The following LAMA1 variants were observed in gnomAD, a reference collection of about 807,000 sequenced individuals.
LAMA1 encodes laminin subunit alpha 1.
A neutral mutation model predicts 348.7 loss-of-function variants in LAMA1; 219 were observed. The observed-to-expected ratio is 0.63, with a 90% CI of 0.56 to 0.70. The LOEUF is 0.70. Among genes scored for constraint, LAMA1 ranks in the 30% least tolerant of loss-of-function variants. The pLI is 0.00. For missense variants in LAMA1, 3,744 were observed against 3,888.0 expected (o/e 0.96, Z 0.99); for synonymous variants, 1,487 against 1,491.0 (o/e 1.00, Z 0.06).
At chr18:6,963,251 T>C (rs921999984) in intron 51 of LAMA1, among the ~76,000 whole-genome samples, 20 of 152,162 alleles carry the variant, frequency 1.3e-4, no homozygotes, top group Non-Finnish European at 2.8e-4. Context: ...CTGCGTTGTC[T>C]ACACTGGGCC....
chr18:7,100,847 TAAAAATAC>T (rs1489447522), intron 1 of LAMA1, among the ~76,000 whole-genome samples: 1 of 152,026 alleles, frequency 6.6e-6, no homozygotes, highest in African/African-American at 2.4e-5. Flanking sequence ...CTACCTCTAC[TAAAAATAC>T]AACAATTAGC....
At chr18:7,046,502 T>A in intron 5 of LAMA1, 135 bp from the exon 6 acceptor site, 1 of 572,060 alleles carries the variant, frequency 1.7e-6, no homozygotes, top group Non-Finnish European at 3.1e-6. Flanking sequence ...CATGTACATT[T>A]AAAAATTATA....
chr18:7,107,280 G>A (rs766586912), intron 1 of LAMA1, among the ~76,000 whole-genome samples: 9 of 151,820 alleles, frequency 5.9e-5, no homozygotes, highest in South Asian at 4.2e-4. Flanking sequence ...CACCACGCCC[G>A]GCTAATTTTT....
chr18:7,106,422 T>C lies in LAMA1; in HGVS notation c.61+11238A>G, dbSNP rs551299728. Among the ~76,000 whole-genome samples, 8 of 150,778 alleles carry C rather than the reference T, an allele frequency of 5.3e-5. No homozygotes were observed. The East Asian group carries it at 1.4e-3, about 26-fold the overall frequency. On this transcript the variant is annotated intron_variant, in intron 1 of 62. Transcript: ENST00000389658. ...GTCGCCAGGCTGGAGTGCAGTGGCG[T>C]AATCTCAGCTCACTACAACCTCCAC...
intron 26 of LAMA1, among the ~76,000 whole-genome samples, chr18:7,009,813 G>C (rs1004900336): frequency 2.6e-5 from 4 of 152,040 alleles, no homozygotes; most frequent in East Asian, 3.9e-4. Flanking sequence ...CTGGAATTTT[G>C]ATCCCAGGGT....
chr18:7,030,968 C>A lies in LAMA1; in HGVS notation c.2274+1098G>T, dbSNP rs116767073. Among the ~76,000 whole-genome samples the A allele has an allele frequency of 6.7e-3, 1,013 of 152,140 alleles. 17 individuals are homozygous for A. Among genetic ancestry groups the A allele is most frequent in the African/African-American group, 0.022 (924 of 41,486 alleles). On this transcript the variant is annotated intron_variant, in intron 16 of 62. Coordinates refer to ENST00000389658, the MANE Select transcript of LAMA1 (RefSeq NM_005559.4). ...CCTGAGGAAAGCAATCCTGGAGGGA[C>A]TGAGTCTGCCCGTAAACCACCCCTT... is the stretch of plus-strand genomic sequence containing the variant.
intron 11 of LAMA1, among the ~76,000 whole-genome samples, chr18:7,038,409 C>T (rs1243997813): frequency 1.3e-5 from 2 of 152,160 alleles, no homozygotes; most frequent in Non-Finnish European, 1.5e-5. Flanking sequence ...CCCACCCTCG[C>T]CACTGGAGGG....
intron 13 of LAMA1, 142 bp from the exon 14 acceptor site, chr18:7,034,832 T>A: frequency 1.5e-6 from 1 of 678,096 alleles, no homozygotes; most frequent in Non-Finnish European, 2.5e-6. Flanking sequence ...TGTGTACAGC[T>A]CTTGGCCCAG....
intron 44 of LAMA1, 66 bp from the exon 45 acceptor site, chr18:6,976,146 C>G: frequency 6.7e-7 from 1 of 1,496,376 alleles, no homozygotes. Context: ...ACCAGCAGCT[C>G]AACAATGCTA....
intron 36 of LAMA1, among the ~76,000 whole-genome samples, chr18:6,986,639 T>C (rs492522): frequency 0.51 from 77,168 of 151,644 alleles, 20,001 homozygotes; most frequent in East Asian, 0.69. Context: ...CACAGTGATG[T>C]TCCATGTTCC....
At chr18:7,109,540 G>A (rs1004763319) in intron 1 of LAMA1, among the ~76,000 whole-genome samples, 1 of 152,176 alleles carries the variant, frequency 6.6e-6, no homozygotes, top group Non-Finnish European at 1.5e-5. Flanking sequence ...CTGTCCTGGG[G>A]TTGGTATATT....
rs1344969953 is a variant in LAMA1, at chr18:7,034,582, T to C, written c.1948A>G (p.Ser650Gly). The part of the protein sequence containing the change: ...LVPENFQDFH[S>G]KRQIDRDQLM... Reference sequence around the variant, plus strand: ...TGGTCACGATCAATCTGCCTTTTGCTGTGAAAATCTTGGAAGTTTTCAGGC... The same window carrying C: ...TGGTCACGATCAATCTGCCTTTTGCCGTGAAAATCTTGGAAGTTTTCAGGC... The change falls in exon 14 of 63, where the codon AGC (serine) becomes GGC (glycine). Residue 650 changes from serine to glycine, a missense_variant. By Grantham distance (56) the Ser-to-Gly change is moderately conservative. This residue lies in a region of LAMA1 where 1,529 missense variants were observed against 1,689.4 expected (regional missense o/e 0.91). Coordinates refer to ENST00000389658, the MANE Select transcript of LAMA1 (RefSeq NM_005559.4). 2 of 1,614,212 alleles carry C rather than the reference T, an allele frequency of 1.2e-6. No homozygotes were observed. Among genetic ancestry groups the C allele is most frequent in the South Asian group, 2.2e-5 (2 of 91,084 alleles).
chr18:6,970,876 G>C (rs1433573509), intron 48 of LAMA1, among the ~76,000 whole-genome samples: 1 of 152,222 alleles, frequency 6.6e-6, no homozygotes, highest in East Asian at 1.9e-4. Context: ...GCCTCCCAAA[G>C]TGCTGGGATT....
Position 7,042,099 on chromosome 18 carries a change from C to G in LAMA1, c.1261+46G>C, listed in dbSNP as rs778379544. The stretch of plus-strand genomic sequence containing the variant: ...TTCCAGTATGTGCAAATCTTCCACA[C>G]ACACACAAAATCAATTACAAGCACA... On this transcript the variant is annotated intron_variant, in intron 9 of 62. Coordinates refer to ENST00000389658, the MANE Select transcript of LAMA1 (RefSeq NM_005559.4). 4 of 1,299,060 alleles carry G rather than the reference C, an allele frequency of 3.1e-6. No homozygotes were observed. In the African/African-American group the frequency reaches 5.9e-5, roughly 19 times the overall value. 80.5% of individuals were successfully genotyped at this position (1,299,060 alleles called of 1,614,324 possible).
chr18:7,078,944 G>A (rs562977089), intron 3 of LAMA1, among the ~76,000 whole-genome samples: 10 of 151,978 alleles, frequency 6.6e-5, no homozygotes, highest in South Asian at 4.2e-4. Context: ...CCGAGATCGC[G>A]CCACTGCACT....
rs763397757 is a variant in LAMA1 at position 7,016,611 on chromosome 18, C to G, written c.2869G>C (p.Gly957Arg). 1 of 1,614,060 alleles carries G rather than the reference C, an allele frequency of 6.2e-7. No homozygotes were observed. The highest frequency in any genetic ancestry group is 8.5e-7 in the Non-Finnish European group (1 of 1,180,040). The change falls in exon 21 of 63, where the codon GGC becomes CGC. Residue 957 changes from glycine to arginine, a missense_variant. Gly to Arg is a moderately radical substitution (Grantham distance 125, BLOSUM62 -2). Coordinates refer to ENST00000389658, the MANE Select transcript of LAMA1 (RefSeq NM_005559.4). ...TCCGTGCAGCCATCTGACACGGAGCCTGCCACGCTGCAGTTGCAGGGCCGG... is the reference window on the plus strand; with the variant it reads ...TCCGTGCAGCCATCTGACACGGAGCGTGCCACGCTGCAGTTGCAGGGCCGG... ...GCRPCNCSVAGSVSDGCTDEG... is the reference protein window; with the variant it reads ...GCRPCNCSVARSVSDGCTDEG...
intron 1 of LAMA1, among the ~76,000 whole-genome samples, chr18:7,089,958 G>A (rs1213345295): frequency 6.6e-6 from 1 of 152,116 alleles, no homozygotes; most frequent in African/African-American, 2.4e-5. Context: ...CATAAAGTAG[G>A]TGTGTTTTAA....
intron 1 of LAMA1, among the ~76,000 whole-genome samples, chr18:7,086,654 C>T (rs183697910): frequency 5.1e-4 from 78 of 152,190 alleles, no homozygotes; most frequent in Non-Finnish European, 5.9e-5. Flanking sequence ...GTGTCTGGCT[C>T]GCGTGAATGA....
chr18:6,968,252 C>T (rs1301306951), intron 48 of LAMA1, among the ~76,000 whole-genome samples: 4 of 152,190 alleles, frequency 2.6e-5, no homozygotes, highest in South Asian at 2.1e-4. Flanking sequence ...GCGCTCAGCC[C>T]CGTGAGTCTG....
Sources: gnomAD v4.1 joint callset for allele counts (sites outside exome capture counted in the v4.1 genomes callset) on GRCh38, gnomAD v4.1.1 for gene constraint, gnomAD v4.1.1 regional missense constraint, MANE v1.5 for transcripts, NCBI Gene and HGNC (gene_info 2026-07-23, HGNC 2026-07-21) for gene names.